Variants in ZNF48 observed in about 807,000 individuals in gnomAD.
ZNF48 encodes the protein zinc finger protein 553.
A neutral mutation model predicts 40.0 loss-of-function variants in ZNF48; 20 were observed. That is an observed-to-expected ratio of 0.50 (90% CI 0.35 to 0.73). The LOEUF is 0.73. ZNF48 is among the 30% of genes least tolerant of loss of function. The probability of loss-of-function intolerance (pLI) is 0.01; values close to 1 mark genes in which losing one functional copy is unlikely to be tolerated. For missense variants in ZNF48, 726 were observed against 851.9 expected (o/e 0.85, Z 1.84); for synonymous variants, 298 against 329.7 (o/e 0.90, Z 1.04).
rs770148176 is a variant in ZNF48 at position 30,378,386 on chromosome 16, G to A, written c.-40G>A. On this transcript the variant is annotated 5_prime_UTR_variant, in exon 1 of 3. Transcript: ENST00000528032. ...AGTGTGGGGCGCGGGGATTGGACAAGAGGCCGACTGAAGGCGGAGCCGAGG... is the reference window on the plus strand; with the variant it reads ...AGTGTGGGGCGCGGGGATTGGACAAAAGGCCGACTGAAGGCGGAGCCGAGG... The A allele has an allele frequency of 3.3e-5, 49 of 1,498,146 alleles. 1 individual carries two copies. Among genetic ancestry groups the A allele is most frequent in the East Asian group, 3.1e-4 (13 of 42,050 alleles). 92.8% of individuals were successfully genotyped at this position (1,498,146 alleles called of 1,614,324 possible).
chr16:30,392,750 A>T (rs1458283926), upstream of ZNF48, among the ~76,000 whole-genome samples: 2 of 152,198 alleles, frequency 1.3e-5, no homozygotes, highest in East Asian at 3.8e-4. Context: ...GGCTTTAAAG[A>T]CAGTATCTGC....
At chr16:30,384,706 C>T (rs1053856284) in intron 1 of ZNF48, among the ~76,000 whole-genome samples, 3 of 148,754 alleles carry the variant, frequency 2.0e-5, no homozygotes, top group Non-Finnish European at 4.5e-5. Context: ...GTGAAACCCC[C>T]GTCTCTACTA....
At chr16:30,383,585 G>A (rs145191632) in intron 1 of ZNF48, among the ~76,000 whole-genome samples, 1 of 152,316 alleles carries the variant, frequency 6.6e-6, no homozygotes, top group Admixed American at 6.5e-5. Flanking sequence ...TCAGACAATG[G>A]ATTCATAAAA....
chr16:30,398,453 ACCC>A lies in ZNF48; in HGVS notation c.1206_1208del (p.Pro405del). ...CCCTACCCGCTCTGATCCCCAGCCC[ACCC>A]CCACCTCCTCTGGGCACCAGCCCCC... On this transcript the variant is annotated inframe_deletion, in exon 3 of 3. Coordinates refer to ENST00000613509, the MANE Select transcript of ZNF48 (RefSeq NM_001214909.2). The surrounding 1 kb of genome is among the most constrained non-coding windows in gnomAD (Gnocchi z 6.6). The A allele has an allele frequency of 4.2e-6, 6 of 1,421,960 alleles. No individual in the cohort carries two copies. Among genetic ancestry groups the A allele is most frequent in the Non-Finnish European group, 5.7e-6 (6 of 1,046,398 alleles). The allele number at this position is 1,421,960 out of a possible 1,614,324, so 88.1% of individuals were successfully genotyped here. A position where few individuals can be genotyped will look rare whatever the true frequency, so the allele number is the denominator to read the frequency against.
chr16:30,379,573 C>G, intron 1 of ZNF48: 1 of 1,483,512 alleles, frequency 6.7e-7, no homozygotes, highest in Non-Finnish European at 9.4e-7. Context: ...TTGGCTCACA[C>G]GGCAGAAACT....
At position 30,397,367 on chromosome 16, in the gene ZNF48, G is replaced by A; in HGVS notation, c.117G>A (p.Glu39=). 1 of 1,613,968 alleles carries A rather than the reference G, an allele frequency of 6.2e-7. No individual in the cohort carries two copies. Among genetic ancestry groups the A allele is most frequent in the African/African-American group, 1.3e-5 (1 of 75,024 alleles). Residue 39 remains glutamate, a synonymous_variant, in exon 3 of 3, where the codon GAG becomes GAA. Transcript: ENST00000613509. The surrounding 1 kb of genome is among the most constrained non-coding windows in gnomAD (Gnocchi z 4.1). ...AGAACGTGATTTCTCAGCCGAATGA[G>A]TTTGAACATACCCCACAGGAAGATG... is the stretch of plus-strand genomic sequence containing the variant. ...GSENVISQPN[E]FEHTPQEDDL...
chr16:30,379,170 A>C (rs778726324), intron 1 of ZNF48: 1 of 1,614,074 alleles, frequency 6.2e-7, no homozygotes, highest in Non-Finnish European at 8.5e-7. Flanking sequence ...AATCGCAGTG[A>C]TGTGGGTTCT....
At chr16:30,387,969 T>G (rs2049914326) in intron 1 of ZNF48, among the ~76,000 whole-genome samples, 1 of 151,420 alleles carries the variant, frequency 6.6e-6, no homozygotes, top group Non-Finnish European at 1.5e-5. Flanking sequence ...TACATCTTTT[T>G]TTTTTTCTTT....
upstream of ZNF48, among the ~76,000 whole-genome samples, chr16:30,394,101 G>C (rs891324064): frequency 6.6e-6 from 1 of 151,492 alleles, no homozygotes; most frequent in Non-Finnish European, 1.5e-5. Flanking sequence ...CACGATCCAC[G>C]ATCATGGCTC....
upstream of ZNF48, among the ~76,000 whole-genome samples, chr16:30,394,087 G>C (rs562346308): frequency 4.0e-5 from 6 of 151,322 alleles, no homozygotes; most frequent in Non-Finnish European, 1.5e-5. Context: ...ATGGAGTACA[G>C]TGGCACGATC....
chr16:30,398,426 T>C lies in ZNF48; in HGVS notation c.1176T>C (p.Tyr392=). 6.2e-7 allele frequency: 1 copy of C among 1,604,804 alleles called. No homozygotes were observed. The highest frequency in any genetic ancestry group is 2.2e-5 in the East Asian group (1 of 44,686). The part of the protein sequence containing the change: ...MEPQDFSFPG[Y]PLPALIPSPP... ...CCCAGGACTTCAGCTTCCCAGGCTA[T>C]CCCCTACCCGCTCTGATCCCCAGCC... Residue 392 remains tyrosine, a synonymous_variant, in exon 3 of 3, where the codon TAT becomes TAC. Transcript: ENST00000613509. The surrounding 1 kb of genome is among the most constrained non-coding windows in gnomAD (Gnocchi z 6.6).
chr16:30,398,552 G>A lies in ZNF48; in HGVS notation c.1302G>A (p.Gly434=). ...FGLPGLEPEP[G]GPQAGEPPPP... is the part of the protein sequence containing the mutation. ...TGCCTGGCTTGGAGCCAGAGCCTGG[G>A]GGCCCACAGGCTGGGGAGCCACCCC... Residue 434 remains glycine, a synonymous_variant, in exon 3 of 3, where the codon GGG becomes GGA. Transcript: ENST00000613509. The surrounding 1 kb of genome is among the most constrained non-coding windows in gnomAD (Gnocchi z 6.6). 6.2e-7 allele frequency: 1 copy of A among 1,609,776 alleles called. No homozygotes were observed. Among genetic ancestry groups the A allele is most frequent in the Non-Finnish European group, 8.5e-7 (1 of 1,178,480 alleles).
At position 30,381,151 on chromosome 16, in the gene ZNF48, C is replaced by T; in HGVS notation, c.-16+2741C>T. On this transcript the variant is annotated intron_variant, in intron 1 of 2. Transcript: ENST00000528032. The surrounding 1 kb of genome is among the most constrained non-coding windows in gnomAD (Gnocchi z 4.3). The stretch of plus-strand genomic sequence containing the variant: ...CCTTCTGCTTGAGGGCCTGGGTTTC[C>T]TGGGGCATCAGAGCATCCGCTTTGC... 6.2e-7 allele frequency: 1 copy of T among 1,614,088 alleles called. No homozygotes were observed. The highest frequency in any genetic ancestry group is 8.5e-7 in the Non-Finnish European group (1 of 1,179,972).
rs1312515203 is a variant in ZNF48, at chr16:30,381,978, G to A, written c.-16+3568G>A. 23 of 1,603,502 alleles carry A rather than the reference G, an allele frequency of 1.4e-5. No homozygotes were observed. Among genetic ancestry groups the A allele is most frequent in the Non-Finnish European group, 3.4e-6 (4 of 1,173,376 alleles). On this transcript the variant is annotated intron_variant, in intron 1 of 2. Transcript: ENST00000528032. The surrounding 1 kb of genome is among the most constrained non-coding windows in gnomAD (Gnocchi z 4.3). Reference sequence around the variant, plus strand: ...CACAGTTGCCTGCACCCATTTCCCAGGGGAGGAAAGTCTCAGAAAAAAAGC... The same window carrying A: ...CACAGTTGCCTGCACCCATTTCCCAAGGGAGGAAAGTCTCAGAAAAAAAGC...
intron 1 of ZNF48, among the ~76,000 whole-genome samples, chr16:30,390,029 C>T (rs2049931276): frequency 1.3e-5 from 2 of 151,466 alleles, no homozygotes; most frequent in Admixed American, 6.6e-5. Flanking sequence ...CTATGTTGGC[C>T]AGGCTGGTCC....
At chr16:30,391,115 T>G (rs2049939558), upstream of ZNF48, among the ~76,000 whole-genome samples, 1 of 152,226 alleles carries the variant, frequency 6.6e-6, no homozygotes, top group African/African-American at 2.4e-5. Context: ...AACGGAACTA[T>G]TCTCTATTTT....
Position 30,395,806 on chromosome 16 carries a change from G to A in ZNF48, c.12G>A (p.Ala4=), listed in dbSNP as rs999864322. The change falls in exon 2 of 3, where the codon GCG becomes GCA. Residue 4 remains alanine, a synonymous_variant. Transcript: ENST00000613509. The surrounding 1 kb of genome is among the most constrained non-coding windows in gnomAD (Gnocchi z 5.9). MER[A]VEPWGPDLHR... ...GCGGCGTGCCGGCGATGGAGCGCGC[G>A]GTAGAGCCTTGGGGCCCAGATCTCC... 5 of 1,545,388 alleles carry A rather than the reference G, an allele frequency of 3.2e-6. No homozygotes were observed. Among genetic ancestry groups the A allele is most frequent in the Non-Finnish European group, 4.4e-6 (5 of 1,149,332 alleles).
Position 30,381,079 on chromosome 16 carries a change from C to G in ZNF48, c.-16+2669C>G. On this transcript the variant is annotated intron_variant, in intron 1 of 2. Coordinates refer to the ZNF48 transcript ENST00000528032. This position sits in a 1 kb window ranked among gnomAD's most constrained non-coding sequence, Gnocchi z 4.3. ...AGATCAAAGAAGTCTAAGCTGAAAT[C>G]AGGTTTGGCTTCACATGGGGTCAAA... 7.1e-7 allele frequency: 1 copy of G among 1,414,022 alleles called. No homozygotes were observed. Among genetic ancestry groups the G allele is most frequent in the Non-Finnish European group, 1.0e-6 (1 of 997,314 alleles). 87.6% of individuals were successfully genotyped at this position (1,414,022 alleles called of 1,614,324 possible).
chr16:30,397,009 A>G lies in ZNF48; in HGVS notation c.80-321A>G, dbSNP rs1354214865. On this transcript the variant is annotated intron_variant, in intron 2 of 2. Transcript: ENST00000613509. The surrounding 1 kb of genome is among the most constrained non-coding windows in gnomAD (Gnocchi z 4.1). ...GCTGGCCTGGCTTTGCTACTTTCTA[A>G]CCTTTATAACCTCCAGCAAAAGGAC... is the stretch of plus-strand genomic sequence containing the variant. 6.6e-6 allele frequency among the ~76,000 whole-genome samples: 1 copy of G among 151,768 alleles called. No homozygotes were observed. The highest frequency in any genetic ancestry group is 2.4e-5 in the African/African-American group (1 of 41,306).
Sources: gnomAD v4.1 joint callset for allele counts (sites outside exome capture counted in the v4.1 genomes callset) on GRCh38, gnomAD v4.1.1 for gene constraint, Gnocchi (gnomAD v3.1) non-coding constraint, MANE v1.5 for transcripts, NCBI Gene and HGNC (gene_info 2026-07-23, HGNC 2026-07-21) for gene names.